Variants in KCNQ1 observed in about 807,000 individuals in gnomAD.
The protein encoded by KCNQ1 is potassium voltage-gated channel subfamily Q member 1, also known as potassium voltage-gated channel subfamily KQT member 1.
KCNQ1 carries 49 observed loss-of-function variants against 72.4 expected under a neutral mutation model. The ratio of observed to expected loss-of-function variants is 0.68; its 90% CI spans 0.54 to 0.86. The LOEUF (loss-of-function observed/expected upper bound fraction) is 0.86, where lower values mean the gene tolerates loss of function less well. Ranked by LOEUF, KCNQ1 falls within the 40% of genes least tolerant of loss-of-function variation. KCNQ1 has a pLI of 0.00. For missense variants in KCNQ1, 790 were observed against 945.1 expected (o/e 0.84, Z 2.15); for synonymous variants, 450 against 412.6 (o/e 1.09, Z -1.10).
rs996819343 is a variant in KCNQ1, at chr11:2,478,997, C to A, written c.386+33513C>A. ...CATGCAAGTTCGAAATCCAGTGGGG[C>A]AGTTAAATCTTAATGCTCCAAAATG... On this transcript the variant is annotated intron_variant, in intron 1 of 15. Transcript: ENST00000155840. The surrounding 1 kb of genome is among the most constrained non-coding windows in gnomAD (Gnocchi z 4.0). Among the ~76,000 whole-genome samples the A allele has an allele frequency of 6.6e-6, 1 of 152,212 alleles. No homozygotes were observed. The highest frequency in any genetic ancestry group is 6.5e-5 in the Admixed American group (1 of 15,290).
Position 2,658,335 on chromosome 11 carries a change from T to C in KCNQ1, c.1394-3626T>C, listed in dbSNP as rs76615498. On this transcript the variant is annotated intron_variant, in intron 10 of 15. Coordinates refer to ENST00000155840, the MANE Select transcript of KCNQ1 (RefSeq NM_000218.3). This position sits in a 1 kb window ranked among gnomAD's most constrained non-coding sequence, Gnocchi z 4.9. ...GATTTGTCCCTCTCCTCCAATTGTT[T>C]ATTTAATTTTATCAGTGTGGATTTG... 5,110 of 398,566 alleles carry C rather than the reference T, an allele frequency of 0.013. 160 individuals carry two copies. Among genetic ancestry groups the C allele is most frequent in the East Asian group, 0.08 (2,233 of 28,072 alleles). 24.7% of individuals were successfully genotyped at this position (398,566 alleles called of 1,614,324 possible). A position where few individuals can be genotyped will look rare whatever the true frequency, so the allele number is the denominator to read the frequency against.
chr11:2,658,777 G>T lies in KCNQ1; in HGVS notation c.1394-3184G>T. 2.5e-6 allele frequency: 1 copy of T among 398,324 alleles called. No individual in the cohort carries two copies. Among genetic ancestry groups the T allele is most frequent in the South Asian group, 1.3e-4 (1 of 7,822 alleles). 24.7% of individuals were successfully genotyped at this position (398,324 alleles called of 1,614,324 possible). On this transcript the variant is annotated intron_variant, in intron 10 of 15. Coordinates refer to ENST00000155840, the MANE Select transcript of KCNQ1 (RefSeq NM_000218.3). This position sits in a 1 kb window ranked among gnomAD's most constrained non-coding sequence, Gnocchi z 4.9. Reference sequence around the variant, plus strand: ...ACCATGAGTTCATACTGACATTTCTGACCAGAGTTCATCCTTGCCCCCTCC... The same window carrying T: ...ACCATGAGTTCATACTGACATTTCTTACCAGAGTTCATCCTTGCCCCCTCC...
rs1426565644 is a variant in KCNQ1, at chr11:2,785,237, A to G, written c.1794+7200A>G. Among the ~76,000 whole-genome samples, 4 of 151,956 alleles carry G rather than the reference A, an allele frequency of 2.6e-5. No individual in the cohort carries two copies. The highest frequency in any genetic ancestry group is 1.3e-4 in the Admixed American group (2 of 15,266). ...TTTGTCAAATGCTCTTTCTGTGTCT[A>G]GTGAGATGGTCCTGTGGTTTTTATT... is the stretch of plus-strand genomic sequence containing the variant. On this transcript the variant is annotated intron_variant, in intron 15 of 15. Transcript: ENST00000155840. The surrounding 1 kb of genome is among the most constrained non-coding windows in gnomAD (Gnocchi z 4.4).
intron 15 of KCNQ1, among the ~76,000 whole-genome samples, chr11:2,843,355 G>C (rs1848252416): frequency 6.6e-6 from 1 of 152,260 alleles, no homozygotes; most frequent in African/African-American, 2.4e-5. Context: ...ACCGCCCTGA[G>C]AGTGGCTTAG....
chr11:2,632,051 C>T (rs1039471842), intron 10 of KCNQ1: 13 of 396,224 alleles, frequency 3.3e-5, no homozygotes, highest in African/African-American at 1.6e-4. Flanking sequence ...GGCATAGCAG[C>T]GTGTGCCTGT....
rs1357799621 is a variant in KCNQ1, at chr11:2,509,119, G to A, written c.387-18809G>A. On this transcript the variant is annotated intron_variant, in intron 1 of 15. Coordinates refer to ENST00000155840, the MANE Select transcript of KCNQ1 (RefSeq NM_000218.3). This position sits in a 1 kb window ranked among gnomAD's most constrained non-coding sequence, Gnocchi z 6.3. ...CACATGCCCCATACTGGGGAATTTG[G>A]GGGTCCCTGGGGGAAGGACTCTGTT... Among the ~76,000 whole-genome samples the A allele has an allele frequency of 2.6e-5, 4 of 152,212 alleles. No homozygotes were observed. The highest frequency in any genetic ancestry group is 3.8e-4 in the East Asian group (2 of 5,208).
At chr11:2,649,492 T>G in intron 10 of KCNQ1, 1 of 398,540 alleles carries the variant, frequency 2.5e-6, no homozygotes, top group Non-Finnish European at 4.4e-6. Context: ...TTCCCTCAGT[T>G]TTTGCTTGTC....
chr11:2,647,970 T>C lies in KCNQ1; in HGVS notation c.1394-13991T>C, dbSNP rs1849691805. On this transcript the variant is annotated intron_variant, in intron 10 of 15. Transcript: ENST00000155840. The surrounding 1 kb of genome is among the most constrained non-coding windows in gnomAD (Gnocchi z 4.0). ...GGCTCACACCTGTAAACCCAGTACTTTGGAAGGCCAAGGCAGGCCGATCGC... is the reference window on the plus strand; with the variant it reads ...GGCTCACACCTGTAAACCCAGTACTCTGGAAGGCCAAGGCAGGCCGATCGC... The C allele has an allele frequency of 1.3e-5, 5 of 398,150 alleles. No homozygotes were observed. The East Asian group carries it at 1.4e-4, about 11-fold the overall frequency. 24.7% of individuals were successfully genotyped at this position (398,150 alleles called of 1,614,324 possible).
At chr11:2,465,428 C>T (rs974819686) in intron 1 of KCNQ1, among the ~76,000 whole-genome samples, 1 of 152,238 alleles carries the variant, frequency 6.6e-6, no homozygotes, top group Non-Finnish European at 1.5e-5. Context: ...GTCCAGCCAG[C>T]CAGGATCTGA....
intron 14 of KCNQ1, 107 bp from the exon 15 acceptor site, chr11:2,777,869 A>G: frequency 1.1e-6 from 1 of 898,184 alleles, no homozygotes; most frequent in Non-Finnish European, 1.9e-6. Context: ...AGGCATTTTG[A>G]CTCTCAGCTA....
intron 11 of KCNQ1, among the ~76,000 whole-genome samples, chr11:2,706,467 AG>A (rs1197054887): frequency 2.0e-5 from 3 of 152,242 alleles, no homozygotes; most frequent in African/African-American, 7.2e-5. Context: ...GCAGCCTCAC[AG>A]GAGATCAGAA....
intron 10 of KCNQ1, chr11:2,634,835 G>A (rs1849430517): frequency 6.6e-6 from 1 of 152,166 alleles, no homozygotes; most frequent in Admixed American, 6.5e-5. Context: ...ATCTTCTCCA[G>A]CACCTGTTGT....
chr11:2,726,718 C>A (rs1258663464), intron 11 of KCNQ1, among the ~76,000 whole-genome samples: 1 of 152,216 alleles, frequency 6.6e-6, no homozygotes, highest in Non-Finnish European at 1.5e-5. Flanking sequence ...TAGGAGCTGA[C>A]TTTAATACGG....
chr11:2,742,885 C>G (rs375421115), intron 11 of KCNQ1, among the ~76,000 whole-genome samples: 4 of 152,288 alleles, frequency 2.6e-5, no homozygotes, highest in African/African-American at 7.2e-5. Flanking sequence ...GCTCCGAGCC[C>G]CCACACCTGT....
rs1189001016 is a variant in KCNQ1 at position 2,690,187 on chromosome 11, G to A, written c.1514+28106G>A. ...GATGTGGAAGGCTGGTCTCTCCAGA[G>A]ACTGGGCTAAACTCTGCTGTGTCAA... On this transcript the variant is annotated intron_variant, in intron 11 of 15. Coordinates refer to ENST00000155840, the MANE Select transcript of KCNQ1 (RefSeq NM_000218.3). The surrounding 1 kb of genome is among the most constrained non-coding windows in gnomAD (Gnocchi z 5.1). 1 of 398,700 alleles carries A rather than the reference G, an allele frequency of 2.5e-6. No individual in the cohort carries two copies. Among genetic ancestry groups the A allele is most frequent in the Non-Finnish European group, 4.4e-6 (1 of 226,202 alleles). 24.7% of individuals were successfully genotyped at this position (398,700 alleles called of 1,614,324 possible).
At position 2,704,561 on chromosome 11, in the gene KCNQ1, G is replaced by T. The variant is rs561796043; in HGVS notation, c.1514+42480G>T. 1.2e-4 allele frequency among the ~76,000 whole-genome samples: 19 copies of T among 152,330 alleles called. No individual in the cohort carries two copies. The South Asian group carries it at 3.9e-3, about 32-fold the overall frequency. Reference sequence around the variant, plus strand: ...TCTAGGAGGTTTTGGGCAAGGCAGTGCCAAGGATCAGATCTCCCTTCTAGA... The same window carrying T: ...TCTAGGAGGTTTTGGGCAAGGCAGTTCCAAGGATCAGATCTCCCTTCTAGA... On this transcript the variant is annotated intron_variant, in intron 11 of 15. Coordinates refer to ENST00000155840, the MANE Select transcript of KCNQ1 (RefSeq NM_000218.3). This position sits in a 1 kb window ranked among gnomAD's most constrained non-coding sequence, Gnocchi z 4.3.
At chr11:2,779,551 A>G (rs1353364550) in intron 15 of KCNQ1, among the ~76,000 whole-genome samples, 1 of 151,996 alleles carries the variant, frequency 6.6e-6, no homozygotes, top group Admixed American at 6.5e-5. Context: ...GGCTGGGGAC[A>G]GCCCCCGCCT....
At position 2,734,652 on chromosome 11, in the gene KCNQ1, G is replaced by T. The variant is rs541495795; in HGVS notation, c.1515-34192G>T. 2.6e-5 allele frequency among the ~76,000 whole-genome samples: 4 copies of T among 152,122 alleles called. No individual in the cohort carries two copies. In the East Asian group the frequency reaches 7.8e-4, roughly 30 times the overall value. ...CTGGAGAGTAGGAGCAGGTCTCGGG[G>T]GTAGCTTCCTGAAGAGATGAGTCAG... On this transcript the variant is annotated intron_variant, in intron 11 of 15. Transcript: ENST00000155840. The surrounding 1 kb of genome is among the most constrained non-coding windows in gnomAD (Gnocchi z 7.0).
At position 2,575,960 on chromosome 11, in the gene KCNQ1, C is replaced by T. The variant is rs986771546; in HGVS notation, c.921+2974C>T. 5.7e-4 allele frequency among the ~76,000 whole-genome samples: 87 copies of T among 152,348 alleles called. 1 individual carries two copies. Among genetic ancestry groups the T allele is most frequent in the Middle Eastern group, 6.8e-3 (2 of 294 alleles). The stretch of plus-strand genomic sequence containing the variant: ...AGGGAGAAATTTCCTCTCCTCTCCC[C>T]GTGGCTGGAGACTCCAGGCGTGCCC... On this transcript the variant is annotated intron_variant, in intron 6 of 15. Transcript: ENST00000155840.
Sources: allele counts gnomAD v4.1 joint callset (sites outside exome capture counted in the v4.1 genomes callset), GRCh38; gene constraint gnomAD v4.1.1; non-coding constraint Gnocchi (gnomAD v3.1); transcripts MANE v1.5; gene names NCBI Gene and HGNC (gene_info 2026-07-23, HGNC 2026-07-21).